The following UVRAG variants were observed in gnomAD, a reference collection of about 807,000 sequenced individuals.
The protein encoded by UVRAG is UV radiation resistance-associated gene protein.
In UVRAG, 19 loss-of-function variants were observed where a neutral mutation model predicts 78.0. That is an observed-to-expected ratio of 0.24 (90% CI 0.17 to 0.36). The LOEUF is 0.36. Among genes scored for constraint, UVRAG ranks in the 10% least tolerant of loss-of-function variants. The pLI, the probability that UVRAG is intolerant of heterozygous loss-of-function variation, is 1.00. For missense variants in UVRAG, 740 were observed against 853.8 expected (o/e 0.87, Z 1.66); for synonymous variants, 323 against 324.6 (o/e 1.00, Z 0.05).
intron 7 of UVRAG, among the ~76,000 whole-genome samples, chr11:75,963,018 G>C (rs1948938036): frequency 6.6e-6 from 1 of 152,242 alleles, no homozygotes; most frequent in South Asian, 2.1e-4. Context: ...AAAATCATTG[G>C]ATTTTTGAAC....
In UVRAG at chr11:76,007,573, T is replaced by C; in HGVS notation, c.951T>C (p.Arg317=). The C allele has an allele frequency of 1.2e-6, 2 of 1,614,014 alleles. No homozygotes were observed. The highest frequency in any genetic ancestry group is 1.7e-6 in the Non-Finnish European group (2 of 1,179,976). The change falls in exon 10 of 15, where the codon CGT becomes CGC. Residue 317 remains arginine, a synonymous_variant. Transcript: ENST00000356136. The part of the protein sequence containing the change: ...FLKTNAQLTI[R]CRQLLSELSY... The stretch of plus-strand genomic sequence containing the variant: ...AGACTAATGCTCAGTTGACAATTCG[T>C]TGCAGGCAGTTACTCTCTGAGCTTT...
intron 2 of UVRAG, among the ~76,000 whole-genome samples, chr11:75,859,579 T>C (rs1158867707): frequency 6.6e-6 from 1 of 152,168 alleles, no homozygotes; most frequent in East Asian, 1.9e-4. Flanking sequence ...ACAACCCTAT[T>C]ATATTCCAGG....
chr11:75,883,579 G>A (rs1225385958), intron 4 of UVRAG, among the ~76,000 whole-genome samples: 1 of 152,096 alleles, frequency 6.6e-6, no homozygotes, highest in Non-Finnish European at 1.5e-5. Context: ...AATCAGTTAG[G>A]TTCATTGATA....
intron 13 of UVRAG, among the ~76,000 whole-genome samples, chr11:76,085,553 G>A (rs1951575266): frequency 6.6e-6 from 1 of 152,062 alleles, no homozygotes; most frequent in Non-Finnish European, 1.5e-5. Flanking sequence ...AAGGAAGCAG[G>A]GCATTTATTT....
intron 2 of UVRAG, among the ~76,000 whole-genome samples, chr11:75,856,438 A>G: frequency 6.6e-6 from 1 of 152,070 alleles, no homozygotes; most frequent in Middle Eastern, 3.4e-3. Flanking sequence ...CCCAAGTCTC[A>G]TAGTTTTATT....
chr11:75,873,037 C>T (rs1028766103), intron 3 of UVRAG, among the ~76,000 whole-genome samples: 1 of 152,068 alleles, frequency 6.6e-6, no homozygotes, highest in African/African-American at 2.4e-5. Flanking sequence ...TGCCAGGTGC[C>T]GTAAGAAAGT....
At chr11:76,012,797 T>TTGTGTGTGTGTGTG (rs56838372) in intron 11 of UVRAG, 1 of 125,554 alleles carries the variant, frequency 8.0e-6, no homozygotes, top group Admixed American at 8.4e-5. Flanking sequence ...AAAAAAATGT[T>TTGTGTGTGTGTGTG]TGTGTGTGTG....
intron 1 of UVRAG, among the ~76,000 whole-genome samples, chr11:75,842,283 G>A (rs909040476): frequency 2.0e-5 from 3 of 152,150 alleles, no homozygotes; most frequent in Non-Finnish European, 2.9e-5. Context: ...CAGATGGGAT[G>A]TATTGGGGCA....
At chr11:76,140,676 T>G in intron 14 of UVRAG, 35 bp from the exon 15 acceptor site, 1 of 1,534,574 alleles carries the variant, frequency 6.5e-7, no homozygotes. Context: ...AGTTCTGAAG[T>G]CCAAAGTAAC....
chr11:75,945,115 T>C (rs992151059), intron 6 of UVRAG, among the ~76,000 whole-genome samples: 2 of 152,100 alleles, frequency 1.3e-5, no homozygotes, highest in Admixed American at 6.6e-5. Flanking sequence ...AATAAATTAA[T>C]TATCACTGAA....
chr11:75,838,188 C>T (rs1178407042), intron 1 of UVRAG, among the ~76,000 whole-genome samples: 1 of 152,282 alleles, frequency 6.6e-6, no homozygotes, highest in East Asian at 1.9e-4. Flanking sequence ...CATAGCATTT[C>T]ACTGTAGGAT....
At chr11:76,020,706 G>C (rs1467595564) in intron 12 of UVRAG, among the ~76,000 whole-genome samples, 22 of 149,744 alleles carry the variant, frequency 1.5e-4, no homozygotes, top group Admixed American at 1.4e-3. Flanking sequence ...GTTGGTGAAG[G>C]GGTGTCACAA....
intron 12 of UVRAG, among the ~76,000 whole-genome samples, chr11:76,036,807 A>C (rs1950544386): frequency 6.6e-6 from 1 of 152,086 alleles, no homozygotes; most frequent in Non-Finnish European, 1.5e-5. Flanking sequence ...AAAACTCATA[A>C]GAACATACTG....
Position 75,961,553 on chromosome 11 carries a change from G to A in UVRAG, c.699+4G>A. ...CACATCTACAAGCAATGAACTGGTA[G>A]GTTTTTATGTATTTACCTGTTTACA... On this transcript the variant is annotated splice_donor_region_variant and intron_variant, in intron 7 of 14. Transcript: ENST00000356136. 1 of 1,583,180 alleles carries A rather than the reference G, an allele frequency of 6.3e-7. No individual in the cohort carries two copies. Among genetic ancestry groups the A allele is most frequent in the Non-Finnish European group, 8.6e-7 (1 of 1,168,902 alleles).
At chr11:75,988,339 A>G (rs952557502) in intron 8 of UVRAG, among the ~76,000 whole-genome samples, 1 of 152,158 alleles carries the variant, frequency 6.6e-6, no homozygotes, top group Admixed American at 6.5e-5. Context: ...TTCCTTTTCT[A>G]GCATTTCATA....
chr11:75,851,440 T>C (rs1372106817), intron 1 of UVRAG, among the ~76,000 whole-genome samples: 1 of 152,228 alleles, frequency 6.6e-6, no homozygotes, highest in African/African-American at 2.4e-5. Flanking sequence ...CTTGTATAGA[T>C]AATCTGGCAT....
chr11:75,969,759 A>G (rs1016015953), intron 7 of UVRAG, among the ~76,000 whole-genome samples: 44 of 152,192 alleles, frequency 2.9e-4, no homozygotes, highest in African/African-American at 1.0e-3. Flanking sequence ...TGGGTGAGAA[A>G]TGATGCTGTA....
chr11:75,824,393 G>GT (rs11334251), intron 1 of UVRAG, among the ~76,000 whole-genome samples: 2,838 of 144,300 alleles, frequency 0.02, 39 homozygotes, highest in Non-Finnish European at 0.025. Flanking sequence ...GTGAAAATGA[G>GT]TTTTTTTTTT....
intron 6 of UVRAG, among the ~76,000 whole-genome samples, chr11:75,928,124 T>C (rs1226678393): frequency 1.3e-5 from 2 of 151,956 alleles, no homozygotes; most frequent in Non-Finnish European, 2.9e-5. Flanking sequence ...AAAAAATGCC[T>C]TTGGTGTGGA....
Sources: allele counts gnomAD v4.1 joint callset (sites outside exome capture counted in the v4.1 genomes callset), GRCh38; gene constraint gnomAD v4.1.1; transcripts MANE v1.5; gene names NCBI Gene and HGNC (gene_info 2026-07-23, HGNC 2026-07-21).